NDUFS4: variants seen among roughly 807,000 people sequenced by gnomAD.
The protein encoded by NDUFS4 is NADH:ubiquinone oxidoreductase subunit S4.
A neutral mutation model predicts 24.3 loss-of-function variants in NDUFS4; 28 were observed. The ratio of observed to expected loss-of-function variants is 1.15; its 90% CI spans 0.85 to 1.58. The LOEUF is 1.58. Among genes scored for constraint, NDUFS4 ranks in the 40% most tolerant of loss-of-function variants. The probability of loss-of-function intolerance (pLI) is 0.00; values close to 1 mark genes in which losing one functional copy is unlikely to be tolerated. For missense variants in NDUFS4, 223 were observed against 207.9 expected, an observed-to-expected ratio of 1.07 and a Z score of -0.45; for synonymous variants, 93 against 69.7, an observed-to-expected ratio of 1.34 and a Z score of -1.67.
At chr5:53,660,504 G>T (rs1269615284) in intron 4 of NDUFS4, among the ~76,000 whole-genome samples, 1 of 151,894 alleles carries the variant, frequency 6.6e-6, no homozygotes, top group Non-Finnish European at 1.5e-5. Flanking sequence ...TAATCCTTTG[G>T]GTATATACCC....
intron 4 of NDUFS4, among the ~76,000 whole-genome samples, chr5:53,669,839 A>G (rs757032430): frequency 2.2e-4 from 34 of 152,292 alleles, no homozygotes; most frequent in Non-Finnish European, 4.7e-4. Flanking sequence ...GTAACGTTGT[A>G]AATGATTCTC....
At chr5:53,578,237 T>C (rs1749447733) in intron 1 of NDUFS4, among the ~76,000 whole-genome samples, 1 of 152,210 alleles carries the variant, frequency 6.6e-6, no homozygotes, top group Non-Finnish European at 1.5e-5. Context: ...ATGGTTTATG[T>C]CTGTCTTAGT....
At chr5:53,594,034 G>A (rs1223532312) in intron 1 of NDUFS4, among the ~76,000 whole-genome samples, 1 of 152,146 alleles carries the variant, frequency 6.6e-6, no homozygotes, top group East Asian at 1.9e-4. Flanking sequence ...AGATAAAGCA[G>A]TTGACAGATG....
intron 3 of NDUFS4, among the ~76,000 whole-genome samples, chr5:53,649,169 C>A (rs1217011189): frequency 3.3e-5 from 5 of 152,098 alleles, no homozygotes; most frequent in African/African-American, 1.2e-4. Context: ...AAATTTTGCC[C>A]TTTAGTCTAA....
chr5:53,626,295 A>G (rs1207968093), intron 2 of NDUFS4, among the ~76,000 whole-genome samples: 1 of 152,098 alleles, frequency 6.6e-6, no homozygotes, highest in East Asian at 1.9e-4. Context: ...ATTGATGGGC[A>G]TTTGGGTTGG....
At chr5:53,598,871 A>G (rs1750218254) in intron 1 of NDUFS4, among the ~76,000 whole-genome samples, 1 of 152,210 alleles carries the variant, frequency 6.6e-6, no homozygotes, top group Admixed American at 6.5e-5. Flanking sequence ...TTGACCAGTA[A>G]TGGTAATTAA....
chr5:53,646,472 A>G (rs1554059270), intron 3 of NDUFS4, 67 bp downstream of exon 3: 2 of 1,532,008 alleles, frequency 1.3e-6, no homozygotes, highest in African/African-American at 1.4e-5. Context: ...TCTTCTAAAT[A>G]TGATTTTCAA....
chr5:53,628,936 G>C (rs543881393), intron 2 of NDUFS4, among the ~76,000 whole-genome samples: 1 of 152,078 alleles, frequency 6.6e-6, no homozygotes, highest in East Asian at 1.9e-4. Flanking sequence ...GAATTTGTTT[G>C]CTTTTGCTTC....
At chr5:53,573,050 G>A (rs545574613) in intron 1 of NDUFS4, among the ~76,000 whole-genome samples, 1 of 146,548 alleles carries the variant, frequency 6.8e-6, no homozygotes, top group Admixed American at 6.9e-5. Context: ...GCTTACTGCA[G>A]CCTTGACTTC....
intron 1 of NDUFS4, among the ~76,000 whole-genome samples, chr5:53,595,306 G>A (rs1750101824): frequency 6.6e-6 from 1 of 151,924 alleles, no homozygotes; most frequent in Non-Finnish European, 1.5e-5. Flanking sequence ...TATTACTATT[G>A]TATTTAATTT....
chr5:53,577,012 C>G (rs1749410259), intron 1 of NDUFS4, among the ~76,000 whole-genome samples: 1 of 152,080 alleles, frequency 6.6e-6, no homozygotes, highest in South Asian at 2.1e-4. Context: ...TGTAGGGCTT[C>G]ACCTTAGTTT....
chr5:53,594,815 G>A (rs897352015), intron 1 of NDUFS4, among the ~76,000 whole-genome samples: 1 of 151,524 alleles, frequency 6.6e-6, no homozygotes, highest in East Asian at 1.9e-4. Context: ...CATTATCTCA[G>A]TATTTTTTTA....
At chr5:53,600,821 T>C (rs1213771140) in intron 1 of NDUFS4, among the ~76,000 whole-genome samples, 3 of 152,194 alleles carry the variant, frequency 2.0e-5, no homozygotes. Context: ...GAAATAATTA[T>C]TGTTTTACAT....
intron 1 of NDUFS4, among the ~76,000 whole-genome samples, chr5:53,602,008 A>G (rs1188440452): frequency 6.6e-6 from 1 of 152,208 alleles, no homozygotes; most frequent in Non-Finnish European, 1.5e-5. Flanking sequence ...GTTCAGTTCT[A>G]TTAACAATTT....
chr5:53,588,985 A>G (rs199945972), intron 1 of NDUFS4, among the ~76,000 whole-genome samples: 1 of 120,430 alleles, frequency 8.3e-6, no homozygotes, highest in Non-Finnish European at 2.0e-5. Flanking sequence ...TAGCCATCTT[A>G]AAAAAAAAAA....
In NDUFS4 at chr5:53,609,038, G is replaced by T. The variant is rs554673232; in HGVS notation, c.177+5508G>T. On this transcript the variant is annotated intron_variant, in intron 2 of 4. Coordinates refer to ENST00000296684, the MANE Select transcript of NDUFS4 (RefSeq NM_002495.4). ...AGTGGAGGAGGAAGAGGAAAGAGAG[G>T]GGACTAAGGTTCTCCCAGTTTAAGG... Among the ~76,000 whole-genome samples the T allele has an allele frequency of 2.0e-5, 3 of 152,200 alleles. No homozygotes were observed. In the South Asian group the frequency reaches 6.2e-4, roughly 32 times the overall value.
chr5:53,577,782 C>T (rs1186641402), intron 1 of NDUFS4, among the ~76,000 whole-genome samples: 1 of 152,108 alleles, frequency 6.6e-6, no homozygotes, highest in East Asian at 1.9e-4. Flanking sequence ...ATAGTTTCTT[C>T]TATATAATGT....
At chr5:53,659,213 C>G (rs1158540755) in intron 4 of NDUFS4, among the ~76,000 whole-genome samples, 1 of 152,070 alleles carries the variant, frequency 6.6e-6, no homozygotes, top group African/African-American at 2.4e-5. Context: ...GGGCAGCCAC[C>G]TAACATCATT....
intron 2 of NDUFS4, among the ~76,000 whole-genome samples, chr5:53,631,987 C>T (rs539503840): frequency 3.9e-5 from 6 of 152,306 alleles, no homozygotes; most frequent in Admixed American, 2.6e-4. Context: ...CCTTGCACTT[C>T]CCTGGTAAGG....
Sources: allele counts gnomAD v4.1 joint callset (sites outside exome capture counted in the v4.1 genomes callset), GRCh38; gene constraint gnomAD v4.1.1; transcripts MANE v1.5; gene names NCBI Gene and HGNC (gene_info 2026-07-23, HGNC 2026-07-21).